TMPRSS13: variants seen among roughly 807,000 people sequenced by gnomAD.
TMPRSS13 encodes the protein transmembrane serine protease 13.
TMPRSS13 carries 50 observed loss-of-function variants against 68.4 expected under a neutral mutation model. That is an observed-to-expected ratio of 0.73 (90% CI 0.58 to 0.93). TMPRSS13 has a LOEUF of 0.93. Among genes scored for constraint, TMPRSS13 ranks in the 40% least tolerant of loss-of-function variants. The pLI, the probability that TMPRSS13 is intolerant of heterozygous loss-of-function variation, is 0.00. For synonymous variants in TMPRSS13, 267 were observed against 285.8 expected, an observed-to-expected ratio of 0.93 and a Z score of 0.66; for missense variants, 615 against 729.2, an observed-to-expected ratio of 0.84 and a Z score of 1.80.
intron 1 of TMPRSS13, 118 bp from the exon 2 acceptor site, chr11:117,918,956 C>T (rs2057614682): frequency 3.6e-6 from 5 of 1,388,372 alleles, no homozygotes; most frequent in African/African-American, 2.9e-5. Context: ...TTGAGCAAAG[C>T]CCCCCGGACA....
At position 117,914,354 on chromosome 11, in the gene TMPRSS13, T is replaced by TGCACAC. The variant is rs764615575; in HGVS notation, c.679+32_679+37dup. ...AAACAGGCACACAAACACATGCACA[T>TGCACAC]GCACACGCACGCGCTCCCCCGCACC... On this transcript the variant is annotated intron_variant, in intron 4 of 12. Transcript: ENST00000524993. The surrounding 1 kb of genome is among the most constrained non-coding windows in gnomAD (Gnocchi z 4.2). The TGCACAC allele has an allele frequency of 2.0e-5, 32 of 1,609,236 alleles. No homozygotes were observed. The highest frequency in any genetic ancestry group is 2.5e-5 in the Non-Finnish European group (29 of 1,179,422).
At chr11:117,924,774 C>T (rs1280823347) in intron 1 of TMPRSS13, among the ~76,000 whole-genome samples, 3 of 152,188 alleles carry the variant, frequency 2.0e-5, no homozygotes, top group East Asian at 1.9e-4. Flanking sequence ...TACTCTCCCC[C>T]TCCCCGAACC....
At position 117,914,374 on chromosome 11, in the gene TMPRSS13, C is replaced by T. The variant is rs375521813; in HGVS notation, c.679+18G>A. ...GCACATGCACACGCACGCGCTCCCCCGCACCCAGCCTCCTTACCGCAGCCC... is the reference window on the plus strand; with the variant it reads ...GCACATGCACACGCACGCGCTCCCCTGCACCCAGCCTCCTTACCGCAGCCC... On this transcript the variant is annotated intron_variant, in intron 4 of 12. Coordinates refer to ENST00000524993, the MANE Select transcript of TMPRSS13 (RefSeq NM_001077263.3). This position sits in a 1 kb window ranked among gnomAD's most constrained non-coding sequence, Gnocchi z 4.2. 1.5e-5 allele frequency: 24 copies of T among 1,612,744 alleles called. No homozygotes were observed. Among genetic ancestry groups the T allele is most frequent in the East Asian group, 6.7e-5 (3 of 44,874 alleles).
At chr11:117,908,824 G>A in intron 8 of TMPRSS13, 40 bp from the exon 9 acceptor site, 1 of 1,536,904 alleles carries the variant, frequency 6.5e-7, no homozygotes, top group Non-Finnish European at 8.8e-7. Context: ...GTACCTGCCT[G>A]GCAGCGTTCA....
chr11:117,929,201 A>T, intron 1 of TMPRSS13, 86 bp downstream of exon 1: 2 of 1,163,778 alleles, frequency 1.7e-6, no homozygotes, highest in East Asian at 5.7e-5. Context: ...TGAAACACAG[A>T]GGTAGCTGTC....
intron 1 of TMPRSS13, among the ~76,000 whole-genome samples, chr11:117,924,380 C>A (rs1185145200): frequency 6.6e-6 from 1 of 152,092 alleles, no homozygotes; most frequent in African/African-American, 2.4e-5. Context: ...TGTCCCTTAC[C>A]AGCCTCCATG....
At chr11:117,918,035 T>C (rs558491164) in intron 2 of TMPRSS13, among the ~76,000 whole-genome samples, 1 of 152,070 alleles carries the variant, frequency 6.6e-6, no homozygotes, top group Non-Finnish European at 1.5e-5. Context: ...ATGACCTTGC[T>C]CCACTGCAGA....
rs1264422261 is a variant in TMPRSS13 at position 117,915,099 on chromosome 11, T to C, written c.557-585A>G. 6.6e-6 allele frequency among the ~76,000 whole-genome samples: 1 copy of C among 152,202 alleles called. No individual in the cohort carries two copies. Among genetic ancestry groups the C allele is most frequent in the Non-Finnish European group, 1.5e-5 (1 of 68,034 alleles). ...TCCCCATGACTTGTCTTTATGCCTT[T>C]AAATGTCTTTTCAATCAACCAGCAA... is the stretch of plus-strand genomic sequence containing the variant. On this transcript the variant is annotated intron_variant, in intron 3 of 12. Coordinates refer to ENST00000524993, the MANE Select transcript of TMPRSS13 (RefSeq NM_001077263.3). This position sits in a 1 kb window ranked among gnomAD's most constrained non-coding sequence, Gnocchi z 4.9.
At chr11:117,909,717 C>T (rs1417308570) in intron 8 of TMPRSS13, 89 bp downstream of exon 8, 2 of 1,468,052 alleles carry the variant, frequency 1.4e-6, no homozygotes, top group Admixed American at 2.0e-5. Context: ...CCAGAATCCT[C>T]CTCCACGAAG....
rs1484967418 is a variant in TMPRSS13, at chr11:117,918,450, G to A, written c.410C>T (p.Ala137Val). Residue 137 changes from alanine to valine, a missense_variant, in exon 2 of 13, where the codon GCC becomes GTC. Transcript: ENST00000524993. ...GGCCCTGGTTGCTGGTGCTGACCTG[G>A]CAGGAGATGATCGGATGGGTACAGC... is the stretch of plus-strand genomic sequence containing the variant. ...VGAVPIRSSP[A>V]RSAPATRATR... The A allele has an allele frequency of 1.2e-6, 2 of 1,614,142 alleles. No individual in the cohort carries two copies. Among genetic ancestry groups the A allele is most frequent in the East Asian group, 2.2e-5 (1 of 44,876 alleles).
chr11:117,927,726 G>A (rs2057720219), intron 1 of TMPRSS13, among the ~76,000 whole-genome samples: 1 of 152,162 alleles, frequency 6.6e-6, no homozygotes, highest in Non-Finnish European at 1.5e-5. Flanking sequence ...GGGAATACGA[G>A]CCCCAACTAT....
At chr11:117,925,530 T>C (rs2057696946) in intron 1 of TMPRSS13, among the ~76,000 whole-genome samples, 1 of 152,232 alleles carries the variant, frequency 6.6e-6, no homozygotes, top group East Asian at 1.9e-4. Flanking sequence ...GTGCCTTCTC[T>C]TGCTGCCAGT....
At chr11:117,926,829 T>C (rs1330283670) in intron 1 of TMPRSS13, among the ~76,000 whole-genome samples, 4 of 152,174 alleles carry the variant, frequency 2.6e-5, no homozygotes, top group African/African-American at 9.7e-5. Context: ...CCCCAAATTC[T>C]AGGCAGTGAT....
chr11:117,904,189 AC>A, intron 10 of TMPRSS13, 88 bp from the exon 11 acceptor site: 1 of 1,496,206 alleles, frequency 6.7e-7, no homozygotes, highest in Non-Finnish European at 9.0e-7. Context: ...CCACCCCAAG[AC>A]CCAGAATCAC....
Position 117,902,251 on chromosome 11 carries a change from G to C in TMPRSS13, c.1692C>G (p.Phe564Leu). Residue 564 changes from phenylalanine to leucine, a missense_variant, in exon 13 of 13, where the codon TTC becomes TTG. Transcript: ENST00000524993. ...GCAGGCCAGCTGGTTAGGATTTTCT[G>C]AATCGCACCTCGCTCTGAGGAAGAG... ...IYSKMESEVR[F>L]RKS The C allele has an allele frequency of 6.2e-7, 1 of 1,613,440 alleles. No individual in the cohort carries two copies. The highest frequency in any genetic ancestry group is 8.5e-7 in the Non-Finnish European group (1 of 1,179,860).
intron 9 of TMPRSS13, 143 bp downstream of exon 9, chr11:117,908,469 G>T: frequency 1.2e-6 from 1 of 868,416 alleles, no homozygotes; most frequent in Non-Finnish European, 1.8e-6. Flanking sequence ...AGTGTTCCAT[G>T]TAAGGATCTT....
intron 1 of TMPRSS13, among the ~76,000 whole-genome samples, chr11:117,921,931 C>T (rs2057652625): frequency 1.3e-5 from 2 of 152,176 alleles, no homozygotes; most frequent in African/African-American, 4.8e-5. Context: ...GGTCCCCGCT[C>T]CACCCCCTGA....
At chr11:117,903,405 A>T (rs1323791868) in intron 12 of TMPRSS13, 1 of 1,535,742 alleles carries the variant, frequency 6.5e-7, no homozygotes. Flanking sequence ...CTGCCCAGCA[A>T]CTGCCTGCCT....
chr11:117,911,892 C>T lies in TMPRSS13; in HGVS notation c.810-32G>A, dbSNP rs373351583. ...GGGAGCAGAGGGGAGAAGAATGAGC[C>T]CCCTGGAGACAGAGTCATCCCAAGT... On this transcript the variant is annotated intron_variant, in intron 5 of 12. Transcript: ENST00000524993. 3.2e-5 allele frequency: 51 copies of T among 1,578,170 alleles called. 1 individual carries two copies. Among genetic ancestry groups the T allele is most frequent in the African/African-American group, 2.0e-4 (15 of 74,298 alleles).
Sources: allele counts gnomAD v4.1 joint callset (sites outside exome capture counted in the v4.1 genomes callset), GRCh38; gene constraint gnomAD v4.1.1; non-coding constraint Gnocchi (gnomAD v3.1); transcripts MANE v1.5; gene names NCBI Gene and HGNC (gene_info 2026-07-23, HGNC 2026-07-21).